The following WHRN variants were observed in gnomAD, a reference collection of about 807,000 sequenced individuals.
The protein encoded by WHRN is whirlin.
Under a neutral mutation model 68.3 loss-of-function variants are expected in WHRN, and 41 were observed. That is an observed-to-expected ratio of 0.60 (90% confidence interval 0.47 to 0.78). WHRN has a LOEUF of 0.78. WHRN is among the 30% of genes least tolerant of loss of function. The probability of loss-of-function intolerance (pLI) is 0.00; values close to 1 mark genes in which losing one functional copy is unlikely to be tolerated. For synonymous variants in WHRN, 560 were observed against 561.3 expected (o/e 1.00, Z 0.03); for missense variants, 1,243 against 1,244.7 (o/e 1.00, Z 0.02).
chr9:114,503,397 A>G (rs1286633122), intron 1 of WHRN, among the ~76,000 whole-genome samples: 1 of 152,142 alleles, frequency 6.6e-6, no homozygotes, highest in Non-Finnish European at 1.5e-5. Flanking sequence ...TGGACCCAAC[A>G]CTATCCATCA....
chr9:114,493,357 A>T (rs1254502011), intron 1 of WHRN, among the ~76,000 whole-genome samples: 2,861 of 43,798 alleles, frequency 0.065, 117 homozygotes, highest in African/African-American at 0.15. Flanking sequence ...TCTTTTTTTT[A>T]AAAAAAAAAA....
chr9:114,485,098 A>G (rs966441497), intron 1 of WHRN, among the ~76,000 whole-genome samples: 7 of 152,218 alleles, frequency 4.6e-5, no homozygotes, highest in African/African-American at 1.7e-4. Flanking sequence ...AAAAGTCTCA[A>G]GCAAGGACAC....
chr9:114,493,748 A>G (rs904287618), intron 1 of WHRN, among the ~76,000 whole-genome samples: 2 of 152,246 alleles, frequency 1.3e-5, no homozygotes, highest in Non-Finnish European at 2.9e-5. Flanking sequence ...AAAGTGCCCA[A>G]TGCCACCTCT....
chr9:114,493,371 A>AAAAAAG (rs1843160138), intron 1 of WHRN, among the ~76,000 whole-genome samples: 1 of 6,506 alleles, frequency 1.5e-4, no homozygotes, highest in African/African-American at 6.6e-4. Context: ...AAAAAAAAAA[A>AAAAAAG]GTGGGGGTGG....
At chr9:114,459,133 C>G (rs1055024022) in intron 3 of WHRN, among the ~76,000 whole-genome samples, 2 of 152,112 alleles carry the variant, frequency 1.3e-5, no homozygotes, top group East Asian at 1.9e-4. Flanking sequence ...AAGAGACATT[C>G]ACTAAACAAG....
At chr9:114,456,747 T>C (rs4979396) in intron 3 of WHRN, among the ~76,000 whole-genome samples, 111,647 of 151,156 alleles carry the variant, frequency 0.74, 41,450 homozygotes, top group East Asian at 0.97. Context: ...GAGAATCGCT[T>C]GAACCCGGGA....
intron 3 of WHRN, 29 bp from the exon 4 acceptor site, chr9:114,426,442 C>A: frequency 1.9e-6 from 3 of 1,612,590 alleles, no homozygotes; most frequent in Non-Finnish European, 2.5e-6. Context: ...AATACAGTCA[C>A]CTGGGCTGTT....
intron 3 of WHRN, among the ~76,000 whole-genome samples, chr9:114,465,646 G>A (rs893751529): frequency 2.6e-5 from 4 of 152,200 alleles, no homozygotes; most frequent in East Asian, 3.9e-4. Context: ...ACCCTGCAGC[G>A]TGCTAAGTGA....
chr9:114,468,216 C>T (rs1438241796), intron 2 of WHRN, among the ~76,000 whole-genome samples: 1 of 152,144 alleles, frequency 6.6e-6, no homozygotes, highest in Non-Finnish European at 1.5e-5. Flanking sequence ...AATTAAGAGA[C>T]AAGTGAGAGC....
intron 3 of WHRN, among the ~76,000 whole-genome samples, chr9:114,430,522 T>C (rs903141155): frequency 2.0e-5 from 3 of 152,152 alleles, no homozygotes; most frequent in Non-Finnish European, 4.4e-5. Flanking sequence ...CTTCCAAACC[T>C]AGGTCACTTC....
chr9:114,424,324 C>A lies in WHRN; in HGVS notation c.1416+10G>T. The A allele has an allele frequency of 6.2e-7, 1 of 1,612,196 alleles. No individual in the cohort carries two copies. The highest frequency in any genetic ancestry group is 8.5e-7 in the Non-Finnish European group (1 of 1,179,986). ...TGCTGAAGCCAGTTGGGAGGCAGGGCACGGGTCACCTTGGCGTGGGTGTTG... is the reference window on the plus strand; with the variant it reads ...TGCTGAAGCCAGTTGGGAGGCAGGGAACGGGTCACCTTGGCGTGGGTGTTG... On this transcript the variant is annotated intron_variant, in intron 6 of 11. Coordinates refer to ENST00000362057, the MANE Select transcript of WHRN (RefSeq NM_015404.4).
At chr9:114,433,205 A>G (rs1297755466) in intron 3 of WHRN, among the ~76,000 whole-genome samples, 3 of 152,170 alleles carry the variant, frequency 2.0e-5, no homozygotes, top group Non-Finnish European at 4.4e-5. Flanking sequence ...TGCACTCAGT[A>G]GGTGCTGTAT....
intron 1 of WHRN, among the ~76,000 whole-genome samples, chr9:114,501,296 T>C (rs1843898697): frequency 6.6e-6 from 1 of 152,212 alleles, no homozygotes; most frequent in Non-Finnish European, 1.5e-5. Flanking sequence ...TAATTGCAAA[T>C]AGTCCATGGC....
chr9:114,437,295 G>A (rs985040836), intron 3 of WHRN, among the ~76,000 whole-genome samples: 1 of 152,130 alleles, frequency 6.6e-6, no homozygotes, highest in Non-Finnish European at 1.5e-5. Context: ...TGTATTTATA[G>A]GCATTAAGAG....
At position 114,426,321 on chromosome 9, in the gene WHRN, G is replaced by A. The variant is rs1836854957; in HGVS notation, c.1056C>T (p.Leu352=). 1 of 1,613,982 alleles carries A rather than the reference G, an allele frequency of 6.2e-7. No homozygotes were observed. Among genetic ancestry groups the A allele is most frequent in the Non-Finnish European group, 8.5e-7 (1 of 1,180,052 alleles). ...AVRLLKSSRH[L]ILTVKDVGRL... The stretch of plus-strand genomic sequence containing the variant: ...TCCCGACGTCCTTCACTGTCAGGAT[G>A]AGGTGCCGAGATGACTTAAGCAGCC... Residue 352 remains leucine, a synonymous_variant, in exon 4 of 12, where the codon CTC becomes CTT. Coordinates refer to ENST00000362057, the MANE Select transcript of WHRN (RefSeq NM_015404.4).
rs938681459 is a variant in WHRN at position 114,496,136 on chromosome 9, T to C, written c.618+8048A>G. Among the ~76,000 whole-genome samples the C allele has an allele frequency of 2.0e-5, 3 of 152,088 alleles. No individual in the cohort carries two copies. In the South Asian group the frequency reaches 6.2e-4, roughly 32 times the overall value. On this transcript the variant is annotated intron_variant, in intron 1 of 11. Coordinates refer to ENST00000362057, the MANE Select transcript of WHRN (RefSeq NM_015404.4). ...ATGGGCTCTAAAAACAGCCACCTCC[T>C]CTCCCTCCTCATCAGGGTCCCTGGG...
chr9:114,498,595 T>A (rs1357130492), intron 1 of WHRN, among the ~76,000 whole-genome samples: 1 of 152,164 alleles, frequency 6.6e-6, no homozygotes, highest in African/African-American at 2.4e-5. Context: ...TCCCTTGATA[T>A]GTAGGTCTCA....
At chr9:114,417,083 A>G (rs914057963) in intron 7 of WHRN, among the ~76,000 whole-genome samples, 2 of 152,180 alleles carry the variant, frequency 1.3e-5, no homozygotes, top group African/African-American at 4.8e-5. Context: ...GGGGGAAATG[A>G]TATTGTGTGA....
At position 114,478,751 on chromosome 9, in the gene WHRN, C is replaced by T. The variant is rs1288440729; in HGVS notation, c.639G>A (p.Lys213=). 1 of 1,612,014 alleles carries T rather than the reference C, an allele frequency of 6.2e-7. No homozygotes were observed. Among genetic ancestry groups the T allele is most frequent in the East Asian group, 2.2e-5 (1 of 44,880 alleles). The stretch of plus-strand genomic sequence containing the variant: ...CTGCTGAGTACACAGACAGCACCAG[C>T]TTCTTGGAGCCCTTCAGAGCCTAGG... ...EAVKALKGSK[K]LVLSVYSAGR... is the part of the protein sequence containing the mutation. Residue 213 remains lysine (K), a synonymous_variant, in exon 2 of 12, where the codon AAG becomes AAA. Transcript: ENST00000362057.
Sources: allele counts gnomAD v4.1 joint callset (sites outside exome capture counted in the v4.1 genomes callset), GRCh38; gene constraint gnomAD v4.1.1; transcripts MANE v1.5; gene names NCBI Gene and HGNC (gene_info 2026-07-23, HGNC 2026-07-21).